The following CSGALNACT1 variants were observed in gnomAD, a reference collection of about 807,000 sequenced individuals.
The protein encoded by CSGALNACT1 is beta4GalNAcT-1.
A neutral mutation model predicts 51.0 loss-of-function variants in CSGALNACT1; 52 were observed. The observed-to-expected ratio is 1.02, with a 90% CI of 0.82 to 1.29. The LOEUF is 1.29. Among genes scored for constraint, CSGALNACT1 ranks in the 50% most tolerant of loss-of-function variants. The probability of loss-of-function intolerance (pLI) is 0.00; values close to 1 mark genes in which losing one functional copy is unlikely to be tolerated. For missense variants in CSGALNACT1, 935 were observed against 679.2 expected, an observed-to-expected ratio of 1.38 and a Z score of -4.19; for synonymous variants, 341 against 254.4, an observed-to-expected ratio of 1.34 and a Z score of -3.24.
chr8:19,686,827 A>C (rs1429003658), upstream of CSGALNACT1, among the ~76,000 whole-genome samples: 1 of 152,188 alleles, frequency 6.6e-6, no homozygotes, highest in Non-Finnish European at 1.5e-5. Flanking sequence ...GGAAAGTAAC[A>C]GGTGACGTCA....
intron 3 of CSGALNACT1, among the ~76,000 whole-genome samples, chr8:19,527,727 C>G (rs896422292): frequency 1.3e-5 from 2 of 152,142 alleles, no homozygotes; most frequent in African/African-American, 4.8e-5. Flanking sequence ...GTGTGGGGTG[C>G]TGAGCTGAAG....
At chr8:19,622,528 C>G (rs561803465) in intron 1 of CSGALNACT1, among the ~76,000 whole-genome samples, 22 of 152,286 alleles carry the variant, frequency 1.4e-4, no homozygotes, top group African/African-American at 5.3e-4. Context: ...ACTTCCCATT[C>G]CTATTACTAC....
intron 3 of CSGALNACT1, among the ~76,000 whole-genome samples, chr8:19,554,340 T>G (rs770010830): frequency 1.3e-5 from 2 of 152,152 alleles, no homozygotes; most frequent in African/African-American, 2.4e-5. Flanking sequence ...GTTATCATTT[T>G]TGGTACCTGG....
intron 4 of CSGALNACT1, among the ~76,000 whole-genome samples, chr8:19,488,243 C>G (rs909826468): frequency 2.6e-5 from 4 of 151,350 alleles, no homozygotes; most frequent in African/African-American, 7.3e-5. Context: ...CCAGTTACTC[C>G]GGAGGCTGAG....
At chr8:19,609,048 G>A (rs2051808743) in intron 1 of CSGALNACT1, among the ~76,000 whole-genome samples, 1 of 151,868 alleles carries the variant, frequency 6.6e-6, no homozygotes, top group Non-Finnish European at 1.5e-5. Flanking sequence ...AGAACATACT[G>A]TCCACATTTT....
At chr8:19,460,277 A>G (rs1223767649) in intron 4 of CSGALNACT1, among the ~76,000 whole-genome samples, 3 of 151,744 alleles carry the variant, frequency 2.0e-5, no homozygotes, top group South Asian at 4.2e-4. Context: ...GAGAGAGAGA[A>G]AGAGACCATG....
At chr8:19,424,067 C>A (rs1439205250) in intron 6 of CSGALNACT1, among the ~76,000 whole-genome samples, 1 of 152,210 alleles carries the variant, frequency 6.6e-6, no homozygotes, top group Non-Finnish European at 1.5e-5. Context: ...CTGATCAACA[C>A]TGGCCAGAAG....
chr8:19,474,516 G>A (rs942187309), intron 4 of CSGALNACT1, among the ~76,000 whole-genome samples: 1 of 152,116 alleles, frequency 6.6e-6, no homozygotes, highest in Admixed American at 6.6e-5. Context: ...AGTGAATGGA[G>A]AGATATGCTT....
intron 5 of CSGALNACT1, among the ~76,000 whole-genome samples, chr8:19,453,648 A>G (rs960663533): frequency 1.3e-5 from 2 of 152,222 alleles, no homozygotes; most frequent in African/African-American, 4.8e-5. Context: ...GTGGTGGCTC[A>G]CACTTATAAT....
chr8:19,672,034 T>A (rs73216604), intron 1 of CSGALNACT1, among the ~76,000 whole-genome samples: 13,879 of 152,242 alleles, frequency 0.091, 773 homozygotes, highest in African/African-American at 0.15. Flanking sequence ...CAACATAAAG[T>A]GGTACATTTA....
intron 5 of CSGALNACT1, among the ~76,000 whole-genome samples, chr8:19,445,107 GAT>G (rs973732976): frequency 6.6e-6 from 1 of 152,186 alleles, no homozygotes; most frequent in African/African-American, 2.4e-5. Context: ...AGGATGTAAC[GAT>G]ATGTTTTGAA....
intron 3 of CSGALNACT1, among the ~76,000 whole-genome samples, chr8:19,543,652 G>A (rs977844173): frequency 6.6e-6 from 1 of 152,202 alleles, no homozygotes; most frequent in East Asian, 1.9e-4. Context: ...CCCAGCTGGG[G>A]AAGGTGCACT....
chr8:19,405,726 T>G (rs754762274), exon 10 of CSGALNACT1: 3 of 1,606,616 alleles, frequency 1.9e-6, no homozygotes, highest in Non-Finnish European at 2.6e-6. Flanking sequence ...GCAGCCACTT[T>G]CAGTAATTGC....
chr8:19,439,592 C>T (rs534306583), intron 6 of CSGALNACT1, among the ~76,000 whole-genome samples: 5 of 152,346 alleles, frequency 3.3e-5, no homozygotes, highest in South Asian at 2.1e-4. Context: ...CCCTGCTGTG[C>T]GCAGTTTATC....
At chr8:19,470,496 G>T (rs2067879642) in intron 4 of CSGALNACT1, among the ~76,000 whole-genome samples, 1 of 152,154 alleles carries the variant, frequency 6.6e-6, no homozygotes, top group Non-Finnish European at 1.5e-5. Context: ...GGCAACAGAG[G>T]AAACAAGACG....
rs533262084 is a variant in CSGALNACT1 at position 19,632,969 on chromosome 8, T to C, written c.-543-31104A>G. 6.0e-5 allele frequency among the ~76,000 whole-genome samples: 9 copies of C among 149,528 alleles called. 1 individual carries two copies. In the South Asian group the frequency reaches 1.7e-3, roughly 28 times the overall value. ...TTTTGGTAGAGACGAGGTTTCCCCA[T>C]GTTGCTCAGGCTGGTCTCAAACTCT... On this transcript the variant is annotated intron_variant, in intron 1 of 9. Transcript: ENST00000332246.
Position 19,599,468 on chromosome 8 carries a change from AAGAAAAAGAAAGAAAGAAAG to A in CSGALNACT1, c.-416+2283_-416+2302del, listed in dbSNP as rs1436720913. On this transcript the variant is annotated intron_variant, in intron 2 of 9. Transcript: ENST00000454498. ...AAAAGAAAAAGAAAAGAAAGAAAGAAAGAAAAAGAAAGAAAGAAAGAAAGAAAGAAAGAAAGAAAGAAAGA... is the reference window on the plus strand; with the variant it reads ...AAAAGAAAAAGAAAAGAAAGAAAGAAAAAGAAAGAAAGAAAGAAAGAAAGA... Among the ~76,000 whole-genome samples, 190 of 108,472 alleles carry A rather than the reference AAGAAAAAGAAAGAAAGAAAG, an allele frequency of 1.8e-3. 2 individuals carry two copies. The highest frequency in any genetic ancestry group is 7.1e-3 in the African/African-American group (177 of 24,784). The allele number at this position is 108,472 out of a possible 152,430, so 71.2% of individuals were successfully genotyped here. A position where few individuals can be genotyped will look rare whatever the true frequency, so the allele number is the denominator to read the frequency against.
At chr8:19,450,293 A>AAGGAGGAGGAGGAAT (rs1183674508) in intron 5 of CSGALNACT1, among the ~76,000 whole-genome samples, 4 of 128,816 alleles carry the variant, frequency 3.1e-5, no homozygotes, top group Non-Finnish European at 6.7e-5. Flanking sequence ...GGAGGAGGAG[A>AAGGAGGAGGAGGAAT]AGGAGGAGGA....
Position 19,702,900 on chromosome 8 carries a change from C to G in CSGALNACT1, c.-297+54950G>C, listed in dbSNP as rs576204067. Among the ~76,000 whole-genome samples the G allele has an allele frequency of 4.6e-5, 7 of 152,218 alleles. No homozygotes were observed. The South Asian group carries it at 1.5e-3, about 32-fold the overall frequency. On this transcript the variant is annotated intron_variant, in intron 1 of 1. Transcript: ENST00000517494. ...GCCCAGCCCCCCACCCAGTAGCCCC[C>G]ACTTAGACCAGGGCCAATGACTAGA...
Sources: allele counts gnomAD v4.1 joint callset (sites outside exome capture counted in the v4.1 genomes callset), GRCh38; gene constraint gnomAD v4.1.1; transcripts MANE v1.5; gene names NCBI Gene and HGNC (gene_info 2026-07-23, HGNC 2026-07-21).